ZNF638: variants seen among roughly 807,000 people sequenced by gnomAD.
ZNF638 encodes the protein zinc finger protein 638.
A neutral mutation model predicts 195.6 loss-of-function variants in ZNF638; 46 were observed. The ratio of observed to expected loss-of-function variants is 0.24; its 90% CI spans 0.19 to 0.30. ZNF638 has a LOEUF of 0.30. Among genes scored for constraint, ZNF638 ranks in the 10% least tolerant of loss-of-function variants. The pLI is 1.00. For synonymous variants in ZNF638, 845 were observed against 772.0 expected, an observed-to-expected ratio of 1.09 and a Z score of -1.57; for missense variants, 2,440 against 2,325.3, an observed-to-expected ratio of 1.05 and a Z score of -1.01.
At chr2:71,431,739 G>A (rs1339592085) in intron 26 of ZNF638, among the ~76,000 whole-genome samples, 8 of 148,416 alleles carry the variant, frequency 5.4e-5, no homozygotes, top group South Asian at 2.1e-4. Flanking sequence ...CAGCCTGGGC[G>A]ACAGAGTGAG....
rs2079155440 is a variant in ZNF638 at position 71,364,128 on chromosome 2, T to C, written c.1593T>C (p.Ser531=). 3 of 1,614,202 alleles carry C rather than the reference T, an allele frequency of 1.9e-6. No homozygotes were observed. The East Asian group carries it at 6.7e-5, about 36-fold the overall frequency. Residue 531 remains serine (S), a synonymous_variant, in exon 5 of 28, where the codon TCT becomes TCC. Transcript: ENST00000264447. ...RSPRICHRFI[S]RYRSRSRSRS... ...CAAGAATTTGCCATCGTTTCATTTC[T>C]AGATACAGATCCAGATCCAGATCCC...
chr2:71,424,816 G>C, intron 23 of ZNF638, 101 bp downstream of exon 23: 1 of 872,260 alleles, frequency 1.1e-6, no homozygotes, highest in Non-Finnish European at 1.8e-6. Flanking sequence ...TAGTGACTAA[G>C]AGTTTAGAGC....
intron 27 of ZNF638, among the ~76,000 whole-genome samples, chr2:71,433,718 C>A (rs1035286989): frequency 2.0e-5 from 3 of 152,338 alleles, no homozygotes; most frequent in African/African-American, 7.2e-5. Flanking sequence ...GGAGAATCAT[C>A]ATTAACCATA....
chr2:71,424,115 T>C (rs1235753061), intron 22 of ZNF638, 77 bp downstream of exon 22: 18 of 1,512,406 alleles, frequency 1.2e-5, no homozygotes, highest in Non-Finnish European at 1.6e-5. Flanking sequence ...TAGTAGGAGA[T>C]GTAATTTTGT....
chr2:71,366,061 A>G (rs78432308), intron 6 of ZNF638, among the ~76,000 whole-genome samples: 92 of 152,312 alleles, frequency 6.0e-4, no homozygotes, highest in African/African-American at 2.1e-3. Flanking sequence ...AACAGAAAAC[A>G]AAGTTGTTGC....
intron 20 of ZNF638, among the ~76,000 whole-genome samples, chr2:71,409,844 A>G (rs2080176739): frequency 6.6e-6 from 1 of 151,886 alleles, no homozygotes; most frequent in Non-Finnish European, 1.5e-5. Context: ...TGTTTTTCTG[A>G]GTCATGTCTG....
chr2:71,388,624 G>C (rs752112541), intron 10 of ZNF638: 1 of 813,344 alleles, frequency 1.2e-6, no homozygotes, highest in South Asian at 1.3e-5. Context: ...CTCGGCCAGA[G>C]TCGGTGGATC....
rs149980916 is a variant in ZNF638, at chr2:71,434,588, T to TGG, written c.5872-153_5872-152insGG. On this transcript the variant is annotated intron_variant, in intron 27 of 27. Coordinates refer to ENST00000264447, the MANE Select transcript of ZNF638 (RefSeq NM_014497.5). ...TGTGTCATAAACATCAAATGACTGATGAATGAAAGGAAGAAATGGTTATAT... is the reference window on the plus strand; with the variant it reads ...TGTGTCATAAACATCAAATGACTGATGGGAATGAAAGGAAGAAATGGTTATAT... 4.1e-3 allele frequency among the ~76,000 whole-genome samples: 631 copies of TGG among 152,302 alleles called. 3 individuals are homozygous for TGG. Among genetic ancestry groups the TGG allele is most frequent in the African/African-American group, 0.015 (604 of 41,560 alleles).
intron 21 of ZNF638, among the ~76,000 whole-genome samples, chr2:71,421,376 C>A (rs796096048): frequency 6.6e-6 from 1 of 150,546 alleles, no homozygotes; most frequent in African/African-American, 2.4e-5. Context: ...AAAAAAAAAA[C>A]ATTTTAGCAT....
chr2:71,370,348 C>T (rs1442913174), intron 8 of ZNF638, among the ~76,000 whole-genome samples: 2 of 152,168 alleles, frequency 1.3e-5, no homozygotes, highest in Non-Finnish European at 2.9e-5. Flanking sequence ...CCCTTCTTCT[C>T]ACAAGTAAAC....
chr2:71,434,325 A>G (rs1288695151), intron 27 of ZNF638, among the ~76,000 whole-genome samples: 3 of 152,156 alleles, frequency 2.0e-5, no homozygotes, highest in Non-Finnish European at 4.4e-5. Context: ...TTCGTCTCAA[A>G]TATCAGTTCC....
intron 10 of ZNF638, among the ~76,000 whole-genome samples, chr2:71,387,359 T>A (rs959046807): frequency 3.3e-5 from 5 of 152,304 alleles, no homozygotes; most frequent in Admixed American, 2.6e-4. Flanking sequence ...AGCTACTTTT[T>A]TTTTACTTTT....
chr2:71,350,196 T>A lies in ZNF638; in HGVS notation c.1242T>A (p.Asn414Lys). Reference protein sequence around the residue: ...MKRLPTPSMMNDYYAASPRIF... With the variant: ...MKRLPTPSMMKDYYAASPRIF... ...GACTTCCAACTCCTTCTATGATGAA[T>A]GATTATTATGCAGCATCTCCAAGAA... The change falls in exon 2 of 28, where the codon AAT (asparagine) becomes AAA (lysine). Residue 414 changes from asparagine (N) to lysine (K), a missense_variant. Asn to Lys is a moderately conservative substitution (Grantham distance 94). This residue lies in a region of ZNF638 where 37 missense variants were observed against 75.7 expected (regional missense o/e 0.49). Transcript: ENST00000264447. 6.2e-7 allele frequency: 1 copy of A among 1,610,584 alleles called. No individual in the cohort carries two copies. Among genetic ancestry groups the A allele is most frequent in the Non-Finnish European group, 8.5e-7 (1 of 1,180,004 alleles).
intron 26 of ZNF638, 34 bp downstream of exon 26, chr2:71,431,462 A>G (rs752036747): frequency 5.6e-6 from 9 of 1,603,082 alleles, no homozygotes; most frequent in Admixed American, 1.7e-5. Context: ...TCTTACCCAT[A>G]TGAAATTTAA....
At chr2:71,388,132 A>G (rs572108282) in intron 10 of ZNF638, among the ~76,000 whole-genome samples, 1 of 152,184 alleles carries the variant, frequency 6.6e-6, no homozygotes, top group African/African-American at 2.4e-5. Flanking sequence ...GGGAAAAGTT[A>G]TAAGGAGAGA....
chr2:71,407,962 G>C, intron 19 of ZNF638, 160 bp from the exon 20 acceptor site: 1 of 596,682 alleles, frequency 1.7e-6, no homozygotes, highest in East Asian at 3.3e-5. Context: ...TGTCTGTTGT[G>C]AATAATGCTT....
chr2:71,378,010 T>C (rs1489657662), intron 8 of ZNF638, among the ~76,000 whole-genome samples: 1 of 152,210 alleles, frequency 6.6e-6, no homozygotes, highest in Admixed American at 6.5e-5. Flanking sequence ...CAGACATGCA[T>C]GGACTTAGAA....
intron 1 of ZNF638, among the ~76,000 whole-genome samples, chr2:71,344,165 A>G (rs955419424): frequency 6.6e-6 from 1 of 152,216 alleles, no homozygotes; most frequent in Non-Finnish European, 1.5e-5. Context: ...CTTGCCCTCT[A>G]CTTTTAGTAT....
At chr2:71,385,087 A>G (rs1225383010) in intron 10 of ZNF638, among the ~76,000 whole-genome samples, 1 of 152,228 alleles carries the variant, frequency 6.6e-6, no homozygotes, top group East Asian at 1.9e-4. Flanking sequence ...AATACTGACA[A>G]AGACACTACA....
Sources: allele counts gnomAD v4.1 joint callset (sites outside exome capture counted in the v4.1 genomes callset), GRCh38; gene constraint gnomAD v4.1.1; regional missense constraint gnomAD v4.1.1; transcripts MANE v1.5; gene names NCBI Gene and HGNC (gene_info 2026-07-23, HGNC 2026-07-21).